SYCP2: variants seen among roughly 807,000 people sequenced by gnomAD.
The protein encoded by SYCP2 is synaptonemal complex protein 2, also known as synaptonemal complex lateral element protein.
Under a neutral mutation model 211.3 loss-of-function variants are expected in SYCP2, and 55 were observed. The observed-to-expected ratio is 0.26, with a 90% CI of 0.21 to 0.33. SYCP2 has a LOEUF of 0.33. SYCP2 is among the 10% of genes least tolerant of loss of function. The pLI is 1.00. For missense variants in SYCP2, 1,731 were observed against 1,752.0 expected (o/e 0.99, Z 0.21); for synonymous variants, 570 against 555.2 (o/e 1.03, Z -0.37).
chr20:59,865,321 C>T, intron 44 of SYCP2, 67 bp downstream of exon 44: 1 of 1,289,336 alleles, frequency 7.8e-7, no homozygotes, highest in Non-Finnish European at 1.1e-6. Flanking sequence ...AAAGCACACA[C>T]ACAAAAAAAT....
At chr20:59,864,903 C>T (rs1249011743) in intron 44 of SYCP2, among the ~76,000 whole-genome samples, 1 of 151,956 alleles carries the variant, frequency 6.6e-6, no homozygotes, top group African/African-American at 2.4e-5. Flanking sequence ...AGTCCCTTCC[C>T]AGGTCCATCC....
At chr20:59,918,497 C>G (rs551349622) in intron 7 of SYCP2, among the ~76,000 whole-genome samples, 1 of 152,176 alleles carries the variant, frequency 6.6e-6, no homozygotes, top group Non-Finnish European at 1.5e-5. Context: ...GAAATTTCCA[C>G]ATTTCAAAAT....
intron 14 of SYCP2, among the ~76,000 whole-genome samples, chr20:59,910,617 T>C (rs977352772): frequency 2.0e-5 from 3 of 151,786 alleles, no homozygotes; most frequent in Admixed American, 1.3e-4. Flanking sequence ...CAATAATCCA[T>C]TAGACCAAAC....
intron 41 of SYCP2, among the ~76,000 whole-genome samples, chr20:59,866,080 T>C (rs2059326888): frequency 6.6e-6 from 1 of 151,784 alleles, no homozygotes; most frequent in Non-Finnish European, 1.5e-5. Flanking sequence ...GTAAAATCTC[T>C]CAGGATTTCT....
At chr20:59,902,565 C>A (rs943472411) in intron 15 of SYCP2, among the ~76,000 whole-genome samples, 3 of 152,130 alleles carry the variant, frequency 2.0e-5, no homozygotes, top group African/African-American at 4.8e-5. Context: ...GGAGCAGGAT[C>A]ACACAAAGTA....
chr20:59,881,315 A>G, intron 29 of SYCP2, 122 bp downstream of exon 29: 1 of 629,418 alleles, frequency 1.6e-6, no homozygotes, highest in Non-Finnish European at 2.7e-6. Flanking sequence ...AATCATAATG[A>G]GAGTAATAAT....
At chr20:59,922,290 A>G in intron 3 of SYCP2, 100 bp downstream of exon 3, 1 of 1,064,796 alleles carries the variant, frequency 9.4e-7, no homozygotes, top group South Asian at 1.7e-5. Context: ...AAAAACATGT[A>G]AGCTTTATCA....
At chr20:59,887,376 T>G (rs1038935941) in intron 24 of SYCP2, among the ~76,000 whole-genome samples, 1 of 152,200 alleles carries the variant, frequency 6.6e-6, no homozygotes, top group African/African-American at 2.4e-5. Context: ...TTGTGCCACA[T>G]TTTCTTAATC....
chr20:59,868,877 T>C lies in SYCP2; in HGVS notation c.3790A>G (p.Lys1264Glu). The C allele has an allele frequency of 1.9e-6, 3 of 1,610,350 alleles. No individual in the cohort carries two copies. Among genetic ancestry groups the C allele is most frequent in the Non-Finnish European group, 2.5e-6 (3 of 1,177,840 alleles). Residue 1264 changes from lysine to glutamate, a missense_variant, in exon 37 of 45, where the codon AAA becomes GAA. This residue lies in a region of SYCP2 where 1,387 missense variants were observed against 1,351.3 expected (regional missense o/e 1.03). Coordinates refer to ENST00000357552, the MANE Select transcript of SYCP2 (RefSeq NM_014258.4). Reference protein sequence around the residue: ...SLSKSSEGREKTWFDMPCDAT... With the variant: ...SLSKSSEGREETWFDMPCDAT... ...TCACAGGGCATGTCAAACCACGTTT[T>C]CTCTCTTCCTTCACTAGACTTGGAT...
chr20:59,873,916 A>C lies in SYCP2; in HGVS notation c.3495T>G (p.Asn1165Lys), dbSNP rs1236865927. The C allele has an allele frequency of 1.2e-6, 2 of 1,613,124 alleles. No individual in the cohort carries two copies. Among genetic ancestry groups the C allele is most frequent in the Non-Finnish European group, 8.5e-7 (1 of 1,179,584 alleles). Residue 1165 changes from asparagine to lysine, a missense_variant, in exon 35 of 45, where the codon AAT becomes AAG. Asn to Lys is a moderately conservative substitution (Grantham distance 94). Transcript: ENST00000357552. ...CACTTGCACACAGGAAGTTTTTCTC[A>C]TTGTTTTTGGGTGACTTTATTGTAC... ...VGGTIKSPKN[N>K]EKNFLCASES...
chr20:59,873,356 C>T (rs2059490272), intron 35 of SYCP2, among the ~76,000 whole-genome samples: 1 of 152,128 alleles, frequency 6.6e-6, no homozygotes, highest in Non-Finnish European at 1.5e-5. Flanking sequence ...TACAGTTGAT[C>T]TGATAACCAA....
intron 2 of SYCP2, among the ~76,000 whole-genome samples, chr20:59,929,069 GA>G (rs1484198414): frequency 4.0e-5 from 6 of 151,278 alleles, no homozygotes; most frequent in Admixed American, 3.9e-4. Flanking sequence ...AATCAAGGAG[GA>G]AAAAAAAGCA....
rs1224367878 is a variant in SYCP2 at position 59,866,695 on chromosome 20, G to A, written c.4126-106C>T. 8.0e-6 allele frequency: 6 copies of A among 754,358 alleles called. No individual in the cohort carries two copies. In the East Asian group the frequency reaches 8.5e-5, roughly 11 times the overall value. 46.7% of individuals were successfully genotyped at this position (754,358 alleles called of 1,614,324 possible). On this transcript the variant is annotated intron_variant, in intron 39 of 44. Coordinates refer to ENST00000357552, the MANE Select transcript of SYCP2 (RefSeq NM_014258.4). The stretch of plus-strand genomic sequence containing the variant: ...TCCACGAAATGTAAATTACTAAGAA[G>A]AACTTGGAAAAGTGAAAAATTAAAA...
rs1326883358 is a variant in SYCP2 at position 59,879,818 on chromosome 20, AATAAATAT to A, written c.2941+477_2941+484del. Among the ~76,000 whole-genome samples, 1,106 of 125,554 alleles carry A rather than the reference AATAAATAT, an allele frequency of 8.8e-3. 3 individuals are homozygous for A. The highest frequency in any genetic ancestry group is 0.012 in the Non-Finnish European group (726 of 58,562). The allele number at this position is 125,554 out of a possible 152,430, so 82.4% of individuals were successfully genotyped here. A position where few individuals can be genotyped will look rare whatever the true frequency, so the allele number is the denominator to read the frequency against. ...GAAGATGGGATATTTAGTAAATATA[AATAAATAT>A]ATATATATATATATATATATATATA... On this transcript the variant is annotated intron_variant, in intron 31 of 44. Coordinates refer to ENST00000357552, the MANE Select transcript of SYCP2 (RefSeq NM_014258.4).
intron 2 of SYCP2, among the ~76,000 whole-genome samples, chr20:59,929,670 T>G (rs1290257491): frequency 1.3e-5 from 2 of 151,144 alleles, no homozygotes. Flanking sequence ...AAATCTAAAG[T>G]ATACTTAATA....
Position 59,884,771 on chromosome 20 carries a change from C to A in SYCP2, c.2529+1157G>T, listed in dbSNP as rs190993976. Among the ~76,000 whole-genome samples, 68 of 151,534 alleles carry A rather than the reference C, an allele frequency of 4.5e-4. No homozygotes were observed. The East Asian group carries it at 8.9e-3, about 20-fold the overall frequency. On this transcript the variant is annotated intron_variant, in intron 26 of 44. Transcript: ENST00000357552. ...GTTAAAGAAGGTAAGCAAAAGGCAG[C>A]AATGGTATTATAGAGAATACAAAGA...
chr20:59,869,391 C>T (rs1312347388), intron 36 of SYCP2, among the ~76,000 whole-genome samples: 2 of 151,720 alleles, frequency 1.3e-5, no homozygotes, highest in African/African-American at 2.4e-5. Context: ...AAATCGCAGC[C>T]CTCTCCAAGT....
rs747031782 is a variant in SYCP2 at position 59,922,386 on chromosome 20, A to G, written c.24+4T>C. On this transcript the variant is annotated splice_donor_region_variant and intron_variant, in intron 3 of 44. Coordinates refer to ENST00000357552, the MANE Select transcript of SYCP2 (RefSeq NM_014258.4). The stretch of plus-strand genomic sequence containing the variant: ...ATACTTACTTTTGGTCTAGGACTAC[A>G]TACCTGGAGATCTGGTCTTATTGGC... 1.9e-6 allele frequency: 3 copies of G among 1,574,062 alleles called. No individual in the cohort carries two copies. The African/African-American group carries it at 4.2e-5, about 22-fold the overall frequency.
At chr20:59,893,659 ATTAAGGT>A in intron 20 of SYCP2, 66 bp from the exon 21 acceptor site, 2 of 1,202,938 alleles carry the variant, frequency 1.7e-6, no homozygotes, top group Non-Finnish European at 2.3e-6. Flanking sequence ...ATGTTACAGT[ATTAAGGT>A]TTGAGTCTTT....
Sources: gnomAD v4.1 joint callset for allele counts (sites outside exome capture counted in the v4.1 genomes callset) on GRCh38, gnomAD v4.1.1 for gene constraint, gnomAD v4.1.1 regional missense constraint, MANE v1.5 for transcripts, NCBI Gene and HGNC (gene_info 2026-07-23, HGNC 2026-07-21) for gene names.